The following CNTLN variants were observed in gnomAD, a reference collection of about 807,000 sequenced individuals.
The protein encoded by CNTLN is centlein, centrosomal protein.
In CNTLN, 212 loss-of-function variants were observed where a neutral mutation model predicts 180.0. The ratio of observed to expected loss-of-function variants is 1.18; its 90% confidence interval spans 1.05 to 1.32. CNTLN has a LOEUF of 1.32. Ranked by LOEUF, CNTLN falls within the 40% of genes most tolerant of loss-of-function variation. The pLI is 0.00. For missense variants in CNTLN, 2,095 were observed against 1,610.9 expected (o/e 1.30, Z -5.14); for synonymous variants, 722 against 563.1 (o/e 1.28, Z -3.99).
At chr9:17,366,266 C>T (rs1247722467) in intron 12 of CNTLN, among the ~76,000 whole-genome samples, 1 of 151,468 alleles carries the variant, frequency 6.6e-6, no homozygotes, top group African/African-American at 2.4e-5. Context: ...GCTAGGACTA[C>T]AGGTGCGCGT....
chr9:17,359,334 G>T (rs533247789), intron 12 of CNTLN, among the ~76,000 whole-genome samples: 1 of 151,872 alleles, frequency 6.6e-6, no homozygotes, highest in South Asian at 2.1e-4. Context: ...CTTAAACCAG[G>T]CATAAAAAGC....
At chr9:17,149,534 T>TTA (rs1554643065) in intron 2 of CNTLN, among the ~76,000 whole-genome samples, 48 of 148,048 alleles carry the variant, frequency 3.2e-4, no homozygotes, top group East Asian at 2.7e-3. Context: ...TTTTTTTTTT[T>TTA]AGAGACTGGG....
chr9:17,367,104 A>G (rs1823890417), intron 13 of CNTLN, among the ~76,000 whole-genome samples: 1 of 152,230 alleles, frequency 6.6e-6, no homozygotes, highest in Non-Finnish European at 1.5e-5. Flanking sequence ...AGGGTAGGAA[A>G]GACAGTCTTA....
chr9:17,383,027 A>C (rs1049926719), intron 13 of CNTLN, among the ~76,000 whole-genome samples: 4 of 152,048 alleles, frequency 2.6e-5, no homozygotes, highest in Admixed American at 2.0e-4. Context: ...AGACCTCCTC[A>C]TCTTTAACAA....
chr9:17,210,171 G>A (rs572697398), intron 2 of CNTLN, among the ~76,000 whole-genome samples: 2 of 151,980 alleles, frequency 1.3e-5, no homozygotes, highest in East Asian at 1.9e-4. Context: ...CCATTAACTC[G>A]TCATTTACAT....
At position 17,480,370 on chromosome 9, in the gene CNTLN, A is replaced by C. The variant is rs200229479; in HGVS notation, c.3856-3925A>C. ...ACAAAATTAATGGCAAAAAAAAAAAAACACATTAGGAATGACAAGAATGGA... is the reference window on the plus strand; with the variant it reads ...ACAAAATTAATGGCAAAAAAAAAAACACACATTAGGAATGACAAGAATGGA... On this transcript the variant is annotated intron_variant, in intron 23 of 25. Coordinates refer to ENST00000380647, the MANE Select transcript of CNTLN (RefSeq NM_017738.4). Among the ~76,000 whole-genome samples the C allele has an allele frequency of 8.5e-3, 1,165 of 137,476 alleles. 25 individuals carry two copies. Among genetic ancestry groups the C allele is most frequent in the African/African-American group, 0.028 (1,107 of 38,922 alleles). The allele number at this position is 137,476 out of a possible 152,430, so 90.2% of individuals were successfully genotyped here. A position where few individuals can be genotyped will look rare whatever the true frequency, so the allele number is the denominator to read the frequency against.
chr9:17,268,900 A>C (rs931870166), intron 5 of CNTLN, among the ~76,000 whole-genome samples: 1 of 151,862 alleles, frequency 6.6e-6, no homozygotes, highest in Admixed American at 6.6e-5. Context: ...GTGCAGTATT[A>C]GGGTGGGAGT....
chr9:17,372,769 A>G (rs1466187850), intron 13 of CNTLN, among the ~76,000 whole-genome samples: 1 of 152,170 alleles, frequency 6.6e-6, no homozygotes, highest in Non-Finnish European at 1.5e-5. Context: ...ACATTAAAAA[A>G]TTAGTCATCA....
Position 17,135,132 on chromosome 9 carries a change from C to G in CNTLN, c.67C>G (p.Pro23Ala). 2 of 1,607,638 alleles carry G rather than the reference C, an allele frequency of 1.2e-6. No individual in the cohort carries two copies. The highest frequency in any genetic ancestry group is 1.7e-6 in the Non-Finnish European group (2 of 1,178,022). ...AGCGCGACAGCTGGGCCCCAGGTCCCCACGTGTTGGGCGGGGAGCTGAAGT... is the reference window on the plus strand; with the variant it reads ...AGCGCGACAGCTGGGCCCCAGGTCCGCACGTGTTGGGCGGGGAGCTGAAGT... ...PPARQLGPRS[P>A]RVGRGAEVHA... The change falls in exon 1 of 26, where the codon CCA becomes GCA. Residue 23 changes from proline to alanine, a missense_variant. Transcript: ENST00000380647.
At chr9:17,366,407 A>T (rs957622497) in intron 12 of CNTLN, among the ~76,000 whole-genome samples, 2 of 152,104 alleles carry the variant, frequency 1.3e-5, no homozygotes, top group South Asian at 2.1e-4. Flanking sequence ...GCTTTCTAAA[A>T]TGCTGGAATT....
chr9:17,171,086 T>A (rs1820391921), intron 2 of CNTLN, among the ~76,000 whole-genome samples: 1 of 152,246 alleles, frequency 6.6e-6, no homozygotes, highest in Admixed American at 6.5e-5. Context: ...TTTCTTGGAA[T>A]GAATCCTTGT....
chr9:17,301,931 C>A, intron 7 of CNTLN: 1 of 925,464 alleles, frequency 1.1e-6, no homozygotes, highest in Middle Eastern at 5.6e-4. Context: ...TTTAAAAAAT[C>A]ATAACATATA....
chr9:17,312,369 T>TATATTATATATATATATATATATATA (rs1819234778), intron 8 of CNTLN, among the ~76,000 whole-genome samples: 3 of 34,408 alleles, frequency 8.7e-5, no homozygotes, highest in African/African-American at 2.4e-4. Context: ...ATATATTATA[T>TATATTATATATATATATATATATATA]ATATATATAT....
intron 8 of CNTLN, among the ~76,000 whole-genome samples, chr9:17,314,953 A>C (rs994997319): frequency 6.6e-6 from 1 of 152,226 alleles, no homozygotes; most frequent in Non-Finnish European, 1.5e-5. Context: ...TTAATAGACT[A>C]TAACTTGTTG....
intron 18 of CNTLN, among the ~76,000 whole-genome samples, chr9:17,449,078 G>C (rs1830626073): frequency 6.6e-6 from 1 of 152,134 alleles, no homozygotes; most frequent in Non-Finnish European, 1.5e-5. Flanking sequence ...TCGTGTTTAG[G>C]AGGGCTATGA....
intron 5 of CNTLN, among the ~76,000 whole-genome samples, chr9:17,268,490 G>T (rs920871953): frequency 2.0e-5 from 3 of 152,160 alleles, no homozygotes; most frequent in Admixed American, 2.0e-4. Context: ...GGGGGTCAGG[G>T]ACCCTCTTGA....
intron 12 of CNTLN, among the ~76,000 whole-genome samples, chr9:17,348,384 C>T (rs1456287950): frequency 6.6e-6 from 1 of 152,118 alleles, no homozygotes; most frequent in East Asian, 1.9e-4. Context: ...AAGGTCACGT[C>T]AATACTACTA....
At chr9:17,406,120 A>G (rs1049658493) in intron 15 of CNTLN, among the ~76,000 whole-genome samples, 3 of 151,752 alleles carry the variant, frequency 2.0e-5, no homozygotes, top group African/African-American at 4.9e-5. Flanking sequence ...CTCACTAATG[A>G]TAATTCTATC....
At chr9:17,405,867 C>G (rs1485803061) in intron 15 of CNTLN, among the ~76,000 whole-genome samples, 1 of 151,690 alleles carries the variant, frequency 6.6e-6, no homozygotes, top group Non-Finnish European at 1.5e-5. Context: ...CAGCTCACTG[C>G]ATCCTCTGTC....
Sources: allele counts gnomAD v4.1 joint callset (sites outside exome capture counted in the v4.1 genomes callset), GRCh38; gene constraint gnomAD v4.1.1; transcripts MANE v1.5; gene names NCBI Gene and HGNC (gene_info 2026-07-23, HGNC 2026-07-21).